The following TBC1D24 variants were observed in gnomAD, a reference collection of about 807,000 sequenced individuals.
TBC1D24 encodes TBC1 domain family member 24, also known as Infantile myoclonic epilepsy.
A neutral mutation model predicts 50.7 loss-of-function variants in TBC1D24; 47 were observed. That is an observed-to-expected ratio of 0.93 (90% CI 0.73 to 1.18). The LOEUF is 1.18. TBC1D24 is among the 50% of genes most tolerant of loss of function. TBC1D24 has a pLI of 0.00. For missense variants in TBC1D24, 688 were observed against 766.5 expected (o/e 0.90, Z 1.21); for synonymous variants, 324 against 335.2 (o/e 0.97, Z 0.36).
chr16:2,497,629 G>A (rs914106266), intron 2 of TBC1D24, 81 bp from the exon 3 acceptor site: 39 of 1,396,280 alleles, frequency 2.8e-5, no homozygotes, highest in African/African-American at 8.5e-5. Context: ...AAGGCCTGTC[G>A]GGGGATCGGT....
rs2065639141 is a variant in TBC1D24, at chr16:2,485,111, T to G, written c.-116+9941T>G. 6.6e-6 allele frequency: 1 copy of G among 152,246 alleles called. No homozygotes were observed. The highest frequency in any genetic ancestry group is 2.4e-5 in the African/African-American group (1 of 41,404). The allele number at this position is 152,246 out of a possible 1,614,324, so 9.4% of individuals were successfully genotyped here. ...TCTGTGATGTTGTGAAATATCTATT[T>G]GGTCTTTGTCCTTGTTTAGTGACAT... is the stretch of plus-strand genomic sequence containing the variant. On this transcript the variant is annotated intron_variant, in intron 1 of 7. Transcript: ENST00000646147. The surrounding 1 kb of genome is among the most constrained non-coding windows in gnomAD (Gnocchi z 4.6).
Position 2,500,237 on chromosome 16 carries a change from G to A in TBC1D24, c.1303-31G>A, listed in dbSNP as rs758813079. 1.1e-5 allele frequency: 17 copies of A among 1,554,790 alleles called. No homozygotes were observed. The highest frequency in any genetic ancestry group is 9.6e-5 in the East Asian group (4 of 41,750). ...GGCAGAGGGGCCTGCGAACGCCCGC[G>A]CCAGCTCCTCACACTCCCCTTCCAC... is the stretch of plus-strand genomic sequence containing the variant. On this transcript the variant is annotated intron_variant, in intron 6 of 7. Transcript: ENST00000646147. This position sits in a 1 kb window ranked among gnomAD's most constrained non-coding sequence, Gnocchi z 8.0.
chr16:2,498,475 C>A, intron 4 of TBC1D24, 79 bp downstream of exon 4: 1 of 1,371,676 alleles, frequency 7.3e-7, no homozygotes, highest in South Asian at 1.3e-5. Context: ...AAATGGGCCT[C>A]AAACCTCGGC....
rs2065623674 is a variant in TBC1D24, at chr16:2,483,309, C to T, written c.-116+8139C>T. On this transcript the variant is annotated intron_variant, in intron 1 of 7. Transcript: ENST00000646147. The surrounding 1 kb of genome is among the most constrained non-coding windows in gnomAD (Gnocchi z 4.0). ...TGAGCAGGCGGCAGGACTTCTCCCT[C>T]TCCCCTCGGCCGTTCTCGTGCCTCG... The T allele has an allele frequency of 6.6e-6, 1 of 152,290 alleles. No homozygotes were observed. Among genetic ancestry groups the T allele is most frequent in the Non-Finnish European group, 1.5e-5 (1 of 68,092 alleles). The allele number at this position is 152,290 out of a possible 1,614,324, so 9.4% of individuals were successfully genotyped here. A position where few individuals can be genotyped will look rare whatever the true frequency, so the allele number is the denominator to read the frequency against.
At chr16:2,497,331 G>A (rs947170903) in intron 2 of TBC1D24, among the ~76,000 whole-genome samples, 7 of 152,226 alleles carry the variant, frequency 4.6e-5, no homozygotes, top group Non-Finnish European at 1.0e-4. Context: ...CCAGGCCCAC[G>A]GCTGAGATGA....
chr16:2,478,735 T>C (rs1224080271), intron 1 of TBC1D24: 2 of 151,382 alleles, frequency 1.3e-5, no homozygotes, highest in Non-Finnish European at 2.9e-5. Context: ...TGGGCTTTTT[T>C]CTTTTTTTTT....
At position 2,501,136 on chromosome 16, in the gene TBC1D24, G is replaced by A. The variant is rs2065790921; in HGVS notation, c.*178G>A. On this transcript the variant is annotated 3_prime_UTR_variant, in exon 8 of 8. Coordinates refer to ENST00000646147, the MANE Select transcript of TBC1D24 (RefSeq NM_001199107.2). The stretch of plus-strand genomic sequence containing the variant: ...GCTGCTGCCTCTACCTGGGGTTTGG[G>A]CTGGGCTTCCCCAGTCCACCTGCAT... 3 of 794,966 alleles carry A rather than the reference G, an allele frequency of 3.8e-6. No homozygotes were observed. The highest frequency in any genetic ancestry group is 3.5e-5 in the South Asian group (2 of 56,880). 49.2% of individuals were successfully genotyped at this position (794,966 alleles called of 1,614,324 possible).
At chr16:2,484,980 C>G (rs2065637966) in intron 1 of TBC1D24, 1 of 152,288 alleles carries the variant, frequency 6.6e-6, no homozygotes, top group South Asian at 2.1e-4. Flanking sequence ...CCACCTCTCC[C>G]CTCATGCCTG....
intron 1 of TBC1D24, chr16:2,476,604 C>G (rs2065570773): frequency 6.6e-6 from 1 of 152,284 alleles, no homozygotes; most frequent in Non-Finnish European, 1.5e-5. Flanking sequence ...AGAAGCCTGT[C>G]TTTCCCTGTG....
rs2065735726 is a variant in TBC1D24, at chr16:2,496,217, G to A, written c.69G>A (p.Gly23=). 1 of 1,613,818 alleles carries A rather than the reference G, an allele frequency of 6.2e-7. No individual in the cohort carries two copies. Among genetic ancestry groups the A allele is most frequent in the African/African-American group, 1.3e-5 (1 of 74,944 alleles). The change falls in exon 2 of 8, where the codon GGG becomes GGA. Residue 23 remains glycine, a synonymous_variant. Coordinates refer to ENST00000646147, the MANE Select transcript of TBC1D24 (RefSeq NM_001199107.2). ...DKMDAAIQDL[G]PKELSCTELQ... is the part of the protein sequence containing the mutation. ...TGGACGCTGCCATCCAGGACCTGGG[G>A]CCCAAGGAGCTGAGCTGCACTGAAC...
At chr16:2,478,886 T>C (rs2141851495) in intron 1 of TBC1D24, 1 of 139,822 alleles carries the variant, frequency 7.2e-6, no homozygotes, top group South Asian at 2.3e-4. Context: ...GACTTTTTTC[T>C]TTTTTTTTTT....
At position 2,503,300 on chromosome 16, in the gene TBC1D24, A is replaced by G. The variant is rs1035198891; in HGVS notation, c.*2342A>G. The G allele has an allele frequency of 6.6e-6, 1 of 152,198 alleles. No homozygotes were observed. The highest frequency in any genetic ancestry group is 2.4e-5 in the African/African-American group (1 of 41,456). The allele number at this position is 152,198 out of a possible 1,614,324, so 9.4% of individuals were successfully genotyped here. A position where few individuals can be genotyped will look rare whatever the true frequency, so the allele number is the denominator to read the frequency against. ...TAACTTTTCTACTAACCTAGAAGGT[A>G]TGTGTGATTATTATCTTTTTTATTC... is the stretch of plus-strand genomic sequence containing the variant. On this transcript the variant is annotated 3_prime_UTR_variant, in exon 8 of 8. Coordinates refer to ENST00000646147, the MANE Select transcript of TBC1D24 (RefSeq NM_001199107.2).
rs769656369 is a variant in TBC1D24, at chr16:2,498,286, C to G, written c.1032C>G (p.Ile344Met). The G allele has an allele frequency of 3.7e-6, 6 of 1,611,762 alleles. No homozygotes were observed. The Admixed American group carries it at 5.0e-5, about 13-fold the overall frequency. Residue 344 changes from isoleucine (I) to methionine (M), a missense_variant, in exon 4 of 8, where the codon ATC becomes ATG. Transcript: ENST00000646147. ...AVHAENFRSEIVSVREMRDIW... is the reference protein window; with the variant it reads ...AVHAENFRSEMVSVREMRDIW... ...ATGCAGAGAACTTCCGCTCGGAGAT[C>G]GTCAGCGTGAGGGAGATGAGAGACA... is the stretch of plus-strand genomic sequence containing the variant.
rs200711801 is a variant in TBC1D24, at chr16:2,498,274, C to T, written c.1020C>T (p.Phe340=). 6.2e-7 allele frequency: 1 copy of T among 1,611,694 alleles called. No individual in the cohort carries two copies. The highest frequency in any genetic ancestry group is 1.7e-5 in the Admixed American group (1 of 59,812). The change falls in exon 4 of 8, where the codon TTC becomes TTT. Residue 340 remains phenylalanine (F), a synonymous_variant. Coordinates refer to ENST00000646147, the MANE Select transcript of TBC1D24 (RefSeq NM_001199107.2). ...FVHLAVHAEN[F]RSEIVSVREM... is the part of the protein sequence containing the mutation. ...ACTTGGCCGTCCATGCAGAGAACTTCCGCTCGGAGATCGTCAGCGTGAGGG... is the reference window on the plus strand; with the variant it reads ...ACTTGGCCGTCCATGCAGAGAACTTTCGCTCGGAGATCGTCAGCGTGAGGG...
Position 2,487,375 on chromosome 16 carries a change from C to G in TBC1D24, c.-115-8659C>G, listed in dbSNP as rs913711395. 6.6e-6 allele frequency among the ~76,000 whole-genome samples: 1 copy of G among 152,240 alleles called. No individual in the cohort carries two copies. Among genetic ancestry groups the G allele is most frequent in the Non-Finnish European group, 1.5e-5 (1 of 68,042 alleles). ...GCCGCGGTCGTATGCTGCCTCCTCA[C>G]GTTTGCTGTGACCTGGGACAGGAGC... On this transcript the variant is annotated intron_variant, in intron 1 of 7. Coordinates refer to ENST00000646147, the MANE Select transcript of TBC1D24 (RefSeq NM_001199107.2). The surrounding 1 kb of genome is among the most constrained non-coding windows in gnomAD (Gnocchi z 4.1).
Position 2,502,606 on chromosome 16 carries a change from C to G in TBC1D24, c.*1648C>G, listed in dbSNP as rs1352913552. The G allele has an allele frequency of 6.6e-6, 1 of 152,654 alleles. No individual in the cohort carries two copies. The highest frequency in any genetic ancestry group is 1.5e-5 in the Non-Finnish European group (1 of 68,230). The allele number at this position is 152,654 out of a possible 1,614,324, so 9.5% of individuals were successfully genotyped here. On this transcript the variant is annotated 3_prime_UTR_variant, in exon 8 of 8. Coordinates refer to ENST00000646147, the MANE Select transcript of TBC1D24 (RefSeq NM_001199107.2). ...GGAACCCTGTGTGGCTTTGGGCAAG[C>G]TGACAAACCCGTCTGGAACTCAGTT...
At chr16:2,477,125 G>A (rs1480546073) in intron 1 of TBC1D24, 1 of 152,258 alleles carries the variant, frequency 6.6e-6, no homozygotes, top group Non-Finnish European at 1.5e-5. Flanking sequence ...GTAAATGGAA[G>A]AAAGAAGTCC....
chr16:2,497,407 C>T (rs972215196), intron 2 of TBC1D24, among the ~76,000 whole-genome samples: 1 of 152,232 alleles, frequency 6.6e-6, no homozygotes, highest in Non-Finnish European at 1.5e-5. Flanking sequence ...AGGGTCATTT[C>T]AGGGCAGCCT....
chr16:2,484,963 G>A (rs1236848154), intron 1 of TBC1D24: 3 of 152,302 alleles, frequency 2.0e-5, no homozygotes, highest in Non-Finnish European at 4.4e-5. Flanking sequence ...GGGGCTGAAT[G>A]CTGGGGCCAC....
Sources: gnomAD v4.1 joint callset for allele counts (sites outside exome capture counted in the v4.1 genomes callset) on GRCh38, gnomAD v4.1.1 for gene constraint, Gnocchi (gnomAD v3.1) non-coding constraint, MANE v1.5 for transcripts, NCBI Gene and HGNC (gene_info 2026-07-23, HGNC 2026-07-21) for gene names.